Variants in DLGAP2 observed in about 807,000 individuals in gnomAD.
The protein encoded by DLGAP2 is disks large-associated protein 2.
A neutral mutation model predicts 100.3 loss-of-function variants in DLGAP2; 26 were observed. The observed-to-expected ratio is 0.26, with a 90% CI of 0.19 to 0.36. The LOEUF is 0.36. DLGAP2 is among the 10% of genes least tolerant of loss of function. DLGAP2 has a pLI of 1.00. For synonymous variants in DLGAP2, 886 were observed against 630.1 expected (o/e 1.41, Z -6.08); for missense variants, 1,858 against 1,453.2 (o/e 1.28, Z -4.53).
intron 2 of DLGAP2, among the ~76,000 whole-genome samples, chr8:1,095,064 C>G (rs1406499139): frequency 7.1e-6 from 1 of 141,074 alleles, no homozygotes; most frequent in Non-Finnish European, 1.5e-5. Context: ...TGGCGTGGAC[C>G]ACCTTCCCAG....
rs973621740 is a variant in DLGAP2 at position 1,707,198 on chromosome 8, T to A, written c.*5792T>A. On this transcript the variant is annotated 3_prime_UTR_variant, in exon 15 of 15. Transcript: ENST00000637795. Reference sequence around the variant, plus strand: ...ATTCAGAACCTGAAAGCCTTGGGCATCCAAGCTTTCACCTACTCAATGGAG... The same window carrying A: ...ATTCAGAACCTGAAAGCCTTGGGCAACCAAGCTTTCACCTACTCAATGGAG... The A allele has an allele frequency of 2.0e-5, 3 of 152,650 alleles. No homozygotes were observed. The highest frequency in any genetic ancestry group is 4.8e-5 in the African/African-American group (2 of 41,452). The allele number at this position is 152,650 out of a possible 1,614,324, so 9.5% of individuals were successfully genotyped here.
chr8:1,485,625 C>T (rs906067960), intron 3 of DLGAP2, among the ~76,000 whole-genome samples: 2 of 152,212 alleles, frequency 1.3e-5, no homozygotes, highest in Non-Finnish European at 2.9e-5. Flanking sequence ...TTCAGTTCCC[C>T]CTCCCAGCTC....
At chr8:1,326,435 A>G (rs1801022850) in intron 3 of DLGAP2, among the ~76,000 whole-genome samples, 1 of 151,900 alleles carries the variant, frequency 6.6e-6, no homozygotes, top group African/African-American at 2.4e-5. Flanking sequence ...ATGTAAGGAA[A>G]GGAGCTCTGG....
At chr8:976,137 C>A (rs181111526) in intron 2 of DLGAP2, among the ~76,000 whole-genome samples, 1 of 152,110 alleles carries the variant, frequency 6.6e-6, no homozygotes, top group African/African-American at 2.4e-5. Flanking sequence ...TCCAAGAAAG[C>A]ATGCATAAGA....
chr8:1,220,481 T>C (rs1380286997), intron 2 of DLGAP2, among the ~76,000 whole-genome samples: 1 of 152,180 alleles, frequency 6.6e-6, no homozygotes, highest in Non-Finnish European at 1.5e-5. Context: ...CTTGGTATGA[T>C]TTGGGTTTAT....
chr8:914,243 T>G (rs1798545603), intron 2 of DLGAP2, among the ~76,000 whole-genome samples: 1 of 152,042 alleles, frequency 6.6e-6, no homozygotes, highest in Admixed American at 6.5e-5. Flanking sequence ...CGAAGGCAGA[T>G]GCCCCGGAGC....
chr8:1,706,137 C>G lies in DLGAP2; in HGVS notation c.*4731C>G, dbSNP rs1431213927. ...TGCTTCTACACATTCGGCTGAATGT[C>G]CCCCAGTGCAGGGTGGCAGCAGAAT... On this transcript the variant is annotated 3_prime_UTR_variant, in exon 15 of 15. Coordinates refer to ENST00000637795, the MANE Select transcript of DLGAP2 (RefSeq NM_001346810.2). 1 of 152,232 alleles carries G rather than the reference C, an allele frequency of 6.6e-6. No individual in the cohort carries two copies. Among genetic ancestry groups the G allele is most frequent in the Non-Finnish European group, 1.5e-5 (1 of 68,044 alleles). The allele number at this position is 152,232 out of a possible 1,614,324, so 9.4% of individuals were successfully genotyped here.
chr8:938,066 A>G (rs1340956171), intron 2 of DLGAP2, among the ~76,000 whole-genome samples: 1 of 152,116 alleles, frequency 6.6e-6, no homozygotes, highest in Non-Finnish European at 1.5e-5. Flanking sequence ...CCTGCCGTGC[A>G]CTGTGAAAGA....
rs367837538 is a variant in DLGAP2, at chr8:1,691,624, A to G, written c.2794A>G (p.Met932Val). 1.6e-5 allele frequency: 26 copies of G among 1,613,344 alleles called. No homozygotes were observed. The highest frequency in any genetic ancestry group is 2.1e-5 in the Non-Finnish European group (25 of 1,179,462). Residue 932 changes from methionine (M) to valine (V), a missense_variant and splice_region_variant, in exon 13 of 15, where the codon ATG becomes GTG. Coordinates refer to ENST00000637795, the MANE Select transcript of DLGAP2 (RefSeq NM_001346810.2). ...GTTTTATTGGCTTTGCCAACAGAAT[A>G]TGGTAAGTGAATCCTCAGTGAACCC... The part of the protein sequence containing the change: ...QQFYWLCQQN[M>V]DPSAMPRPTS...
At chr8:1,389,770 G>C (rs13275126) in intron 3 of DLGAP2, among the ~76,000 whole-genome samples, 36,658 of 151,964 alleles carry the variant, frequency 0.24, 4,820 homozygotes, top group Non-Finnish European at 0.3. Context: ...GGACCTACAG[G>C]TACAACCCCG....
chr8:1,084,996 G>A (rs1213194952), intron 2 of DLGAP2, among the ~76,000 whole-genome samples: 3 of 152,136 alleles, frequency 2.0e-5, no homozygotes, highest in Non-Finnish European at 4.4e-5. Context: ...CAGCGAACAG[G>A]GTTCCCATTT....
At position 1,319,156 on chromosome 8, in the gene DLGAP2, C is replaced by T. The variant is rs567631900; in HGVS notation, c.106+60273C>T. Among the ~76,000 whole-genome samples, 153 of 152,258 alleles carry T rather than the reference C, an allele frequency of 1.0e-3. 1 individual carries two copies. Among genetic ancestry groups the T allele is most frequent in the Non-Finnish European group, 2.0e-3 (133 of 68,020 alleles). On this transcript the variant is annotated intron_variant, in intron 3 of 14. Coordinates refer to ENST00000637795, the MANE Select transcript of DLGAP2 (RefSeq NM_001346810.2). ...CTGGGATCTTGTGCTCGCTGCCTCCCTGCAGTGCCTGGGGCCCCCATGGCT... is the reference window on the plus strand; with the variant it reads ...CTGGGATCTTGTGCTCGCTGCCTCCTTGCAGTGCCTGGGGCCCCCATGGCT...
chr8:1,245,636 A>G (rs898733113), intron 2 of DLGAP2, among the ~76,000 whole-genome samples: 3 of 152,220 alleles, frequency 2.0e-5, no homozygotes, highest in Non-Finnish European at 4.4e-5. Flanking sequence ...TGGAGTGACG[A>G]AATGTTATGT....
chr8:779,353 C>A (rs1821624150), intron 1 of DLGAP2, among the ~76,000 whole-genome samples: 1 of 152,192 alleles, frequency 6.6e-6, no homozygotes, highest in Non-Finnish European at 1.5e-5. Flanking sequence ...ATTCGGCCAT[C>A]TTGGCTCCTC....
chr8:1,354,009 G>A (rs1801792972), intron 3 of DLGAP2, among the ~76,000 whole-genome samples: 1 of 152,154 alleles, frequency 6.6e-6, no homozygotes, highest in Admixed American at 6.6e-5. Context: ...TATTTATGAT[G>A]GAGTGGCAGT....
chr8:1,023,853 A>ATGTGTGTGTGTGTGTGTGTGTGTG (rs1325437123), intron 2 of DLGAP2, among the ~76,000 whole-genome samples: 1 of 64,432 alleles, frequency 1.6e-5, no homozygotes, highest in Non-Finnish European at 3.7e-5. Flanking sequence ...CTCAAACTTT[A>ATGTGTGTGTGTGTGTGTGTGTGTG]TATATGTGTG....
At chr8:900,235 C>T (rs1029715037) in intron 1 of DLGAP2, among the ~76,000 whole-genome samples, 3 of 149,250 alleles carry the variant, frequency 2.0e-5, no homozygotes, top group Non-Finnish European at 3.0e-5. Context: ...GCGCCCTGCT[C>T]TTCAGGGCAT....
At chr8:903,863 C>G (rs1039432799) in intron 1 of DLGAP2, among the ~76,000 whole-genome samples, 1 of 152,234 alleles carries the variant, frequency 6.6e-6, no homozygotes, top group Non-Finnish European at 1.5e-5. Flanking sequence ...CCGCAGCAGA[C>G]TGCCGCGTTC....
At chr8:850,622 A>G (rs528697216) in intron 1 of DLGAP2, among the ~76,000 whole-genome samples, 15 of 152,306 alleles carry the variant, frequency 9.8e-5, no homozygotes, top group African/African-American at 3.4e-4. Flanking sequence ...AAATGTTGGC[A>G]TGCTTTATTT....
Sources: allele counts gnomAD v4.1 joint callset (sites outside exome capture counted in the v4.1 genomes callset), GRCh38; gene constraint gnomAD v4.1.1; transcripts MANE v1.5; gene names NCBI Gene and HGNC (gene_info 2026-07-23, HGNC 2026-07-21).